The following DGCR8 variants were observed in gnomAD, a reference collection of about 807,000 sequenced individuals.
The protein encoded by DGCR8 is microprocessor complex subunit DGCR8.
DGCR8 carries 14 observed loss-of-function variants against 78.5 expected under a neutral mutation model. The ratio of observed to expected loss-of-function variants is 0.18; its 90% CI spans 0.12 to 0.28. The LOEUF is 0.28. Ranked by LOEUF, DGCR8 falls within the 10% of genes least tolerant of loss-of-function variation. The pLI is 1.00. For synonymous variants in DGCR8, 399 were observed against 402.4 expected, an observed-to-expected ratio of 0.99 and a Z score of 0.10; for missense variants, 702 against 1,022.5, an observed-to-expected ratio of 0.69 and a Z score of 4.28.
rs1429906768 is a variant in DGCR8 at position 20,106,952 on chromosome 22, T to G, written c.1996+254T>G. 7.0e-6 allele frequency: 4 copies of G among 574,936 alleles called. No homozygotes were observed. The African/African-American group carries it at 7.5e-5, about 11-fold the overall frequency. The allele number at this position is 574,936 out of a possible 1,614,324, so 35.6% of individuals were successfully genotyped here. A position where few individuals can be genotyped will look rare whatever the true frequency, so the allele number is the denominator to read the frequency against. On this transcript the variant is annotated intron_variant, in intron 11 of 13. Transcript: ENST00000351989. ...GTCCCTGTGGCAGGAGGAAAGGCCCTCCTCCTCGAACAGCCAGCAGAATCC... is the reference window on the plus strand; with the variant it reads ...GTCCCTGTGGCAGGAGGAAAGGCCCGCCTCCTCGAACAGCCAGCAGAATCC...
At chr22:20,106,298 C>T (rs1453697891) in intron 10 of DGCR8, 21 bp downstream of exon 10, 5 of 1,590,662 alleles carry the variant, frequency 3.1e-6, no homozygotes, top group Non-Finnish European at 4.3e-6. Flanking sequence ...GGGGTGCCTC[C>T]CCCCATGAGT....
chr22:20,111,307 C>T lies in DGCR8; in HGVS notation c.*1199C>T. 1 of 398,406 alleles carries T rather than the reference C, an allele frequency of 2.5e-6. No individual in the cohort carries two copies. The allele number at this position is 398,406 out of a possible 1,614,324, so 24.7% of individuals were successfully genotyped here. ...GTGGTGCGCCATCTGAAGCAAGAGT[C>T]CAGCGTTCTGCCGTGTCTGTCCCCC... On this transcript the variant is annotated 3_prime_UTR_variant, in exon 14 of 14. Transcript: ENST00000351989.
At position 20,090,161 on chromosome 22, in the gene DGCR8, G is replaced by A; in HGVS notation, c.1209G>A (p.Gly403=). The change falls in exon 5 of 14, where the codon GGG becomes GGA. Residue 403 remains glycine (G), a synonymous_variant. Transcript: ENST00000351989. Reference sequence around the variant, plus strand: ...CTGACTCTATGGGTGCTGACCCGGGGCCCCCGGACGAGAAAGACCCACTAG... The same window carrying A: ...CTGACTCTATGGGTGCTGACCCGGGACCCCCGGACGAGAAAGACCCACTAG... The part of the protein sequence containing the change: ...DEPDSMGADP[G]PPDEKDPLGA... The A allele has an allele frequency of 9.9e-6, 16 of 1,614,260 alleles. No homozygotes were observed. The highest frequency in any genetic ancestry group is 1.7e-5 in the Admixed American group (1 of 60,034).
At chr22:20,088,580 G>A (rs1363946489) in intron 3 of DGCR8, among the ~76,000 whole-genome samples, 4 of 152,140 alleles carry the variant, frequency 2.6e-5, no homozygotes, top group Non-Finnish European at 4.4e-5. Flanking sequence ...AAGCTGGCAG[G>A]AGGCAGCTCC....
intron 10 of DGCR8, 44 bp from the exon 11 acceptor site, chr22:20,106,548 G>A (rs2049771865): frequency 6.9e-7 from 1 of 1,442,794 alleles, no homozygotes; most frequent in Non-Finnish European, 9.8e-7. Context: ...GCAGCTGGCT[G>A]CTCTGCTCAG....
At chr22:20,091,831 C>T (rs201890587) in intron 6 of DGCR8, 38 bp from the exon 7 acceptor site, 49 of 1,594,610 alleles carry the variant, frequency 3.1e-5, no homozygotes, top group Admixed American at 1.5e-4. Flanking sequence ...GCTTGTGGCA[C>T]TGCTTCACAC....
At chr22:20,107,527 C>A in intron 12 of DGCR8, 129 bp downstream of exon 12, 1 of 1,193,886 alleles carries the variant, frequency 8.4e-7, no homozygotes, top group Non-Finnish European at 1.2e-6. Context: ...CTCTCCTGGG[C>A]CACTTGTGTG....
rs1451078441 is a variant in DGCR8 at position 20,111,587 on chromosome 22, G to A, written c.*1479G>A. 8 of 395,910 alleles carry A rather than the reference G, an allele frequency of 2.0e-5. No individual in the cohort carries two copies. Among genetic ancestry groups the A allele is most frequent in the African/African-American group, 6.2e-5 (3 of 48,594 alleles). 24.5% of individuals were successfully genotyped at this position (395,910 alleles called of 1,614,324 possible). A position where few individuals can be genotyped will look rare whatever the true frequency, so the allele number is the denominator to read the frequency against. Reference sequence around the variant, plus strand: ...CTGTTGCCCTTAGCCAGCCAGATGCGCCTGTGAACCAAAGCTTCGTGCACA... The same window carrying A: ...CTGTTGCCCTTAGCCAGCCAGATGCACCTGTGAACCAAAGCTTCGTGCACA... On this transcript the variant is annotated 3_prime_UTR_variant, in exon 14 of 14. Coordinates refer to ENST00000351989, the MANE Select transcript of DGCR8 (RefSeq NM_022720.7).
intron 13 of DGCR8, 70 bp from the exon 14 acceptor site, chr22:20,109,955 C>A: frequency 6.8e-7 from 1 of 1,472,514 alleles, no homozygotes; most frequent in South Asian, 1.1e-5. Flanking sequence ...GCTCTCCCTC[C>A]ACCTTGTGTC....
At position 20,085,008 on chromosome 22, in the gene DGCR8, T is replaced by C; in HGVS notation, c.-277-679T>C. The C allele has an allele frequency of 2.0e-6, 2 of 985,418 alleles. No individual in the cohort carries two copies. Among genetic ancestry groups the C allele is most frequent in the African/African-American group, 1.7e-5 (1 of 57,354 alleles). 61.0% of individuals were successfully genotyped at this position (985,418 alleles called of 1,614,324 possible). A position where few individuals can be genotyped will look rare whatever the true frequency, so the allele number is the denominator to read the frequency against. On this transcript the variant is annotated intron_variant, in intron 1 of 13. Transcript: ENST00000351989. The surrounding 1 kb of genome is among the most constrained non-coding windows in gnomAD (Gnocchi z 6.2). ...TCTGTGCCTCGGCTCCAGCTGTCTC[T>C]TGTGGCTCCCCACCCCAAATCCTGG...
intron 9 of DGCR8, chr22:20,100,569 G>A: frequency 1.0e-6 from 1 of 985,404 alleles, no homozygotes; most frequent in Non-Finnish European, 1.2e-6. Context: ...TTTGCTATGG[G>A]GTGGTGGAAA....
rs747416922 is a variant in DGCR8, at chr22:20,090,170, C to T, written c.1218C>T (p.Asp406=). Residue 406 remains aspartate, a synonymous_variant, in exon 5 of 14, where the codon GAC becomes GAT. Coordinates refer to ENST00000351989, the MANE Select transcript of DGCR8 (RefSeq NM_022720.7). Reference sequence around the variant, plus strand: ...TGGGTGCTGACCCGGGGCCCCCGGACGAGAAAGACCCACTAGGGGCTGAGG... The same window carrying T: ...TGGGTGCTGACCCGGGGCCCCCGGATGAGAAAGACCCACTAGGGGCTGAGG... The part of the protein sequence containing the change: ...DSMGADPGPP[D]EKDPLGAEAA... 99 of 1,614,054 alleles carry T rather than the reference C, an allele frequency of 6.1e-5. No individual in the cohort carries two copies. Among genetic ancestry groups the T allele is most frequent in the Middle Eastern group, 1.6e-4 (1 of 6,084 alleles).
chr22:20,096,601 AC>A, intron 9 of DGCR8: 1 of 429,268 alleles, frequency 2.3e-6, no homozygotes, highest in Non-Finnish European at 3.1e-6. Context: ...GAGTTGTATA[AC>A]CATCATAACT....
At chr22:20,096,815 C>T (rs2049633845) in intron 9 of DGCR8, among the ~76,000 whole-genome samples, 1 of 152,152 alleles carries the variant, frequency 6.6e-6, no homozygotes, top group South Asian at 2.1e-4. Context: ...GCTATGTCAG[C>T]TGTAGGTTTT....
At position 20,085,524 on chromosome 22, in the gene DGCR8, A is replaced by G. The variant is rs2049471404; in HGVS notation, c.-277-163A>G. Among the ~76,000 whole-genome samples the G allele has an allele frequency of 1.3e-5, 2 of 152,238 alleles. No individual in the cohort carries two copies. The highest frequency in any genetic ancestry group is 4.8e-5 in the African/African-American group (2 of 41,466). On this transcript the variant is annotated intron_variant, in intron 1 of 13. Transcript: ENST00000351989. The surrounding 1 kb of genome is among the most constrained non-coding windows in gnomAD (Gnocchi z 6.2). ...TAAGTTATAATTCAGGTTCTGAAGA[A>G]TAAAAGTAAGGTTAGTTTGTTTTGA...
chr22:20,106,762 C>T (rs1382971215), intron 11 of DGCR8, 64 bp downstream of exon 11: 20 of 1,166,630 alleles, frequency 1.7e-5, no homozygotes, highest in Admixed American at 5.1e-5. Flanking sequence ...TGGCCCTGCG[C>T]CTCTGTGGCT....
At chr22:20,106,811 G>A in intron 11 of DGCR8, 113 bp downstream of exon 11, 1 of 751,644 alleles carries the variant, frequency 1.3e-6, no homozygotes, top group South Asian at 1.5e-5. Context: ...CCTGAGCCCA[G>A]CTGTGTGTGC....
chr22:20,110,397 T>C lies in DGCR8; in HGVS notation c.*289T>C. 1 of 400,704 alleles carries C rather than the reference T, an allele frequency of 2.5e-6. No homozygotes were observed. The highest frequency in any genetic ancestry group is 4.1e-5 in the East Asian group (1 of 24,112). 24.8% of individuals were successfully genotyped at this position (400,704 alleles called of 1,614,324 possible). On this transcript the variant is annotated 3_prime_UTR_variant, in exon 14 of 14. Transcript: ENST00000351989. The stretch of plus-strand genomic sequence containing the variant: ...TGTGGACAGTGGTGGACCCTGCTTC[T>C]GTGCACCTGCTGCAGGCTCTTTTTA...
Position 20,086,782 on chromosome 22 carries a change from A to AG in DGCR8, c.720+99_720+100insG. On this transcript the variant is annotated intron_variant, in intron 2 of 13. Coordinates refer to ENST00000351989, the MANE Select transcript of DGCR8 (RefSeq NM_022720.7). This position sits in a 1 kb window ranked among gnomAD's most constrained non-coding sequence, Gnocchi z 6.4. ...TGAAAGCAGGGAAATTAAAAAAAAA[A>AG]AAAACAAAAACCAAAATCCCCTCTG... The AG allele has an allele frequency of 7.2e-7, 1 of 1,380,496 alleles. No individual in the cohort carries two copies. The highest frequency in any genetic ancestry group is 9.7e-7 in the Non-Finnish European group (1 of 1,028,856). 85.5% of individuals were successfully genotyped at this position (1,380,496 alleles called of 1,614,324 possible).
Sources: gnomAD v4.1 joint callset for allele counts (sites outside exome capture counted in the v4.1 genomes callset) on GRCh38, gnomAD v4.1.1 for gene constraint, Gnocchi (gnomAD v3.1) non-coding constraint, MANE v1.5 for transcripts, NCBI Gene and HGNC (gene_info 2026-07-23, HGNC 2026-07-21) for gene names.